The following HLCS variants were observed in gnomAD, a reference collection of about 807,000 sequenced individuals.
The protein encoded by HLCS is holocarboxylase synthetase.
A neutral mutation model predicts 75.0 loss-of-function variants in HLCS; 53 were observed. The observed-to-expected ratio is 0.71, with a 90% CI of 0.57 to 0.89. The LOEUF is 0.89. HLCS is among the 40% of genes least tolerant of loss of function. The probability of loss-of-function intolerance (pLI) is 0.00; values close to 1 mark genes in which losing one functional copy is unlikely to be tolerated. For synonymous variants in HLCS, 431 were observed against 428.6 expected, an observed-to-expected ratio of 1.01 and a Z score of -0.07; for missense variants, 966 against 1,074.0, an observed-to-expected ratio of 0.90 and a Z score of 1.41.
intron 6 of HLCS, among the ~76,000 whole-genome samples, chr21:36,782,262 T>A (rs888376140): frequency 6.6e-6 from 1 of 152,206 alleles, no homozygotes; most frequent in African/African-American, 2.4e-5. Flanking sequence ...AAAAAAAAAT[T>A]TCTGCCAATG....
chr21:36,807,853 A>G (rs1168235729), intron 6 of HLCS, among the ~76,000 whole-genome samples: 1 of 152,118 alleles, frequency 6.6e-6, no homozygotes, highest in Non-Finnish European at 1.5e-5. Context: ...TCATGACTCA[A>G]TATATAACTG....
chr21:36,909,058 T>C (rs570332109), intron 5 of HLCS, among the ~76,000 whole-genome samples: 1 of 152,036 alleles, frequency 6.6e-6, no homozygotes, highest in African/African-American at 2.4e-5. Flanking sequence ...TAGCCGGGCG[T>C]GGTGGCAGGT....
At chr21:36,976,487 G>T (rs1052275140) in intron 1 of HLCS, among the ~76,000 whole-genome samples, 6 of 152,112 alleles carry the variant, frequency 3.9e-5, no homozygotes, top group Non-Finnish European at 7.3e-5. Flanking sequence ...GGGAGGCTGA[G>T]GCAGCAGAAT....
intron 6 of HLCS, among the ~76,000 whole-genome samples, chr21:36,813,735 G>A (rs1363645179): frequency 3.3e-5 from 5 of 152,142 alleles, no homozygotes; most frequent in Non-Finnish European, 7.4e-5. Flanking sequence ...CATTGCTTTG[G>A]GGCATTTTCG....
intron 6 of HLCS, among the ~76,000 whole-genome samples, chr21:36,841,473 C>T (rs914949849): frequency 6.6e-6 from 1 of 152,198 alleles, no homozygotes; most frequent in African/African-American, 2.4e-5. Context: ...ATGGCCTCTG[C>T]CACGTGATCT....
chr21:36,921,266 G>A (rs944814476), intron 5 of HLCS, among the ~76,000 whole-genome samples: 2 of 152,168 alleles, frequency 1.3e-5, no homozygotes, highest in Non-Finnish European at 2.9e-5. Flanking sequence ...CCAACATGGT[G>A]AAACCCCGTC....
intron 2 of HLCS, among the ~76,000 whole-genome samples, chr21:36,952,471 G>A (rs1430128846): frequency 1.3e-5 from 2 of 152,078 alleles, no homozygotes; most frequent in Admixed American, 1.3e-4. Flanking sequence ...TTGTTGGGAA[G>A]GCATTCTCCT....
At chr21:36,896,802 G>C in intron 6 of HLCS, 58 bp downstream of exon 6, 7 of 1,585,538 alleles carry the variant, frequency 4.4e-6, no homozygotes, top group Non-Finnish European at 6.1e-6. Flanking sequence ...ATTGGTAAGA[G>C]AGGATGATCA....
intron 6 of HLCS, among the ~76,000 whole-genome samples, chr21:36,809,148 A>G (rs1341314214): frequency 1.3e-5 from 2 of 152,012 alleles, no homozygotes; most frequent in Non-Finnish European, 2.9e-5. Flanking sequence ...CAGGAGGCAG[A>G]GATTGCAGTG....
At chr21:36,900,986 C>T (rs2065214076) in intron 5 of HLCS, among the ~76,000 whole-genome samples, 1 of 152,094 alleles carries the variant, frequency 6.6e-6, no homozygotes, top group South Asian at 2.1e-4. Flanking sequence ...GGGGGCTGGG[C>T]GCGGTGGCTC....
chr21:36,755,268 G>A (rs759631331), intron 10 of HLCS, among the ~76,000 whole-genome samples: 1 of 151,848 alleles, frequency 6.6e-6, no homozygotes, highest in African/African-American at 2.4e-5. Flanking sequence ...GGGCCGTGTG[G>A]CACACTCCTA....
intron 6 of HLCS, among the ~76,000 whole-genome samples, chr21:36,884,438 C>T (rs1452754343): frequency 6.6e-6 from 1 of 152,248 alleles, no homozygotes; most frequent in Non-Finnish European, 1.5e-5. Flanking sequence ...AGTGGGAAAC[C>T]AGACTTCTAA....
Position 36,915,646 on chromosome 21 carries a change from GT to G in HLCS, c.1620+14604del, listed in dbSNP as rs1391366137. On this transcript the variant is annotated intron_variant, in intron 5 of 10. Coordinates refer to ENST00000674895, the MANE Select transcript of HLCS (RefSeq NM_001352514.2). ...CATTCGTTCATAGGAGAAAAGCAGA[GT>G]TTCTACTGAAAAGTGTTTTTAATAA... Among the ~76,000 whole-genome samples, 531 of 152,334 alleles carry G rather than the reference GT, an allele frequency of 3.5e-3. 10 individuals carry two copies. Among genetic ancestry groups the G allele is most frequent in the Non-Finnish European group, 8.1e-4 (55 of 68,024 alleles).
At chr21:36,760,887 C>A (rs2089813120) in intron 8 of HLCS, among the ~76,000 whole-genome samples, 1 of 152,202 alleles carries the variant, frequency 6.6e-6, no homozygotes, top group Non-Finnish European at 1.5e-5. Context: ...ACGGGGCTAG[C>A]CGAGTGGGTG....
chr21:36,894,261 C>T (rs984060910), intron 6 of HLCS, among the ~76,000 whole-genome samples: 16 of 152,202 alleles, frequency 1.1e-4, no homozygotes, highest in Admixed American at 6.5e-4. Flanking sequence ...AACTGTGAGC[C>T]AATTAAACCT....
At chr21:36,897,385 C>T (rs2065057544) in intron 5 of HLCS, among the ~76,000 whole-genome samples, 1 of 152,094 alleles carries the variant, frequency 6.6e-6, no homozygotes, top group South Asian at 2.1e-4. Context: ...ATTATACTTC[C>T]TATCTTACAT....
At chr21:36,941,643 G>A (rs1472723826) in intron 2 of HLCS, among the ~76,000 whole-genome samples, 3 of 152,114 alleles carry the variant, frequency 2.0e-5, no homozygotes, top group Non-Finnish European at 4.4e-5. Context: ...TTGGGAGGCC[G>A]AGGCAGGTAG....
At position 36,966,528 on chromosome 21, in the gene HLCS, G is replaced by A. The variant is rs1387290734; in HGVS notation, c.111C>T (p.Thr37=). The A allele has an allele frequency of 3.0e-6, 3 of 994,748 alleles. No individual in the cohort carries two copies. The highest frequency in any genetic ancestry group is 3.6e-6 in the Non-Finnish European group (3 of 838,252). The allele number at this position is 994,748 out of a possible 1,614,324, so 61.6% of individuals were successfully genotyped here. A position where few individuals can be genotyped will look rare whatever the true frequency, so the allele number is the denominator to read the frequency against. ...RRLRASRCSF[T]FCGAAAQPPG... is the part of the protein sequence containing the mutation. Reference sequence around the variant, plus strand: ...GGGGCTGCGCGGCCGCGCCGCAGAAGGTGAAGGAACAGCGCGAGGCACGCA... The same window carrying A: ...GGGGCTGCGCGGCCGCGCCGCAGAAAGTGAAGGAACAGCGCGAGGCACGCA... Residue 37 remains threonine, a synonymous_variant, in exon 1 of 11, where the codon ACC becomes ACT. Coordinates refer to ENST00000674895, the MANE Select transcript of HLCS (RefSeq NM_001352514.2).
chr21:36,923,617 G>A (rs1017104098), intron 5 of HLCS, among the ~76,000 whole-genome samples: 5 of 152,122 alleles, frequency 3.3e-5, no homozygotes, highest in Admixed American at 1.3e-4. Context: ...TCTCTGCCCC[G>A]GGTATTTACT....
Sources: gnomAD v4.1 joint callset for allele counts (sites outside exome capture counted in the v4.1 genomes callset) on GRCh38, gnomAD v4.1.1 for gene constraint, MANE v1.5 for transcripts, NCBI Gene and HGNC (gene_info 2026-07-23, HGNC 2026-07-21) for gene names.